The following PIK3C2G variants were observed in gnomAD, a reference collection of about 807,000 sequenced individuals.
PIK3C2G encodes phosphatidylinositol 3-kinase C2 domain-containing subunit gamma.
In PIK3C2G, 168 loss-of-function variants were observed where a neutral mutation model predicts 181.1. The ratio of observed to expected loss-of-function variants is 0.93; its 90% CI spans 0.82 to 1.05. PIK3C2G has a LOEUF of 1.05. Among genes scored for constraint, PIK3C2G ranks in the 50% least tolerant of loss-of-function variants. The pLI, the probability that PIK3C2G is intolerant of heterozygous loss-of-function variation, is 0.00. For missense variants in PIK3C2G, 1,869 were observed against 1,732.8 expected, an observed-to-expected ratio of 1.08 and a Z score of -1.40; for synonymous variants, 573 against 592.2, an observed-to-expected ratio of 0.97 and a Z score of 0.47.
intron 12 of PIK3C2G, among the ~76,000 whole-genome samples, chr12:18,367,729 T>C (rs186842463): frequency 1.3e-5 from 2 of 151,972 alleles, no homozygotes; most frequent in Non-Finnish European, 1.5e-5. Context: ...TGGCTAATTA[T>C]GTATTTTTAG....
intron 18 of PIK3C2G, among the ~76,000 whole-genome samples, chr12:18,432,391 G>C (rs1432322220): frequency 6.6e-6 from 1 of 152,038 alleles, no homozygotes; most frequent in Non-Finnish European, 1.5e-5. Flanking sequence ...AGGCCTTTGG[G>C]AACTGAGCTT....
intron 29 of PIK3C2G, among the ~76,000 whole-genome samples, chr12:18,590,573 A>T (rs780322315): frequency 2.6e-5 from 4 of 151,970 alleles, no homozygotes; most frequent in East Asian, 1.9e-4. Context: ...CCAGTGGAGA[A>T]CACCGGCATA....
At chr12:18,636,976 A>G (rs765208977) in intron 31 of PIK3C2G, among the ~76,000 whole-genome samples, 12 of 152,168 alleles carry the variant, frequency 7.9e-5, no homozygotes, top group Non-Finnish European at 1.6e-4. Context: ...CCAGAATTGA[A>G]GAAGTAACCA....
At chr12:18,695,422 G>A in the PIK3C2G span, among the ~76,000 whole-genome samples, 1 of 152,140 alleles carries the variant, frequency 6.6e-6, no homozygotes, top group Non-Finnish European at 1.5e-5. Context: ...GAATGCAAGA[G>A]GTAAAGACAT....
intron 16 of PIK3C2G, among the ~76,000 whole-genome samples, chr12:18,416,019 G>A (rs978236200): frequency 5.3e-5 from 8 of 152,168 alleles, no homozygotes; most frequent in African/African-American, 7.2e-5. Context: ...AGGCCGAGGC[G>A]GGTGGATCAT....
At chr12:18,245,319 TTGA>T (rs931004309), upstream of PIK3C2G, among the ~76,000 whole-genome samples, 1 of 152,200 alleles carries the variant, frequency 6.6e-6, no homozygotes, top group Non-Finnish European at 1.5e-5. Context: ...TTTACACATT[TTGA>T]TGTCAGTGTG....
At chr12:18,422,558 T>G (rs1323779806) in intron 17 of PIK3C2G, among the ~76,000 whole-genome samples, 1 of 152,058 alleles carries the variant, frequency 6.6e-6, no homozygotes, top group Non-Finnish European at 1.5e-5. Flanking sequence ...AAGAGTCAAA[T>G]AAGACCCAGA....
intron 18 of PIK3C2G, among the ~76,000 whole-genome samples, chr12:18,454,380 G>C (rs980954465): frequency 6.6e-6 from 1 of 152,084 alleles, no homozygotes; most frequent in African/African-American, 2.4e-5. Flanking sequence ...AGATATTTGA[G>C]GGAATCAGCC....
downstream of PIK3C2G, among the ~76,000 whole-genome samples, chr12:18,650,726 A>C (rs12824614): frequency 7.0e-3 from 151 of 21,492 alleles, 1 homozygote; most frequent in Middle Eastern, 0.023. Context: ...ATATATATAT[A>C]TATATATATA....
chr12:18,248,952 CT>C (rs534858971), intron 1 of PIK3C2G, among the ~76,000 whole-genome samples: 2 of 151,896 alleles, frequency 1.3e-5, no homozygotes, highest in African/African-American at 4.8e-5. Context: ...CTGTAAGGTG[CT>C]TTTTTTTGTT....
chr12:18,380,864 A>G (rs1407142443), intron 13 of PIK3C2G, among the ~76,000 whole-genome samples: 3 of 152,236 alleles, frequency 2.0e-5, no homozygotes, highest in African/African-American at 7.2e-5. Flanking sequence ...GATCTGTTAA[A>G]TGGCAAGATG....
At chr12:18,614,995 G>A (rs1365373777) in intron 31 of PIK3C2G, among the ~76,000 whole-genome samples, 1 of 151,626 alleles carries the variant, frequency 6.6e-6, no homozygotes, top group Non-Finnish European at 1.5e-5. Context: ...ATGCTTTTTA[G>A]GGAACAGGTG....
chr12:18,517,210 G>C (rs117745720), intron 24 of PIK3C2G, among the ~76,000 whole-genome samples: 3,140 of 151,894 alleles, frequency 0.021, 39 homozygotes, highest in Middle Eastern at 0.065. Flanking sequence ...TTCCATTCTG[G>C]GGAAGACTTA....
intron 18 of PIK3C2G, among the ~76,000 whole-genome samples, chr12:18,426,056 CAAGTCTTCAACATGATGACCTTGAATTTA>C (rs1945794226): frequency 1.3e-5 from 2 of 152,154 alleles, no homozygotes; most frequent in East Asian, 3.9e-4. Context: ...AATTTAATTT[CAAGTCTTCAACATGATGACCTTGAATTTA>C]AAGTCTTCAA....
intron 30 of PIK3C2G, among the ~76,000 whole-genome samples, chr12:18,600,300 A>T (rs546456248): frequency 6.3e-4 from 96 of 152,120 alleles, no homozygotes; most frequent in African/African-American, 2.2e-3. Flanking sequence ...TTAAAAAAAA[A>T]TCTTTTGAAG....
At chr12:18,653,425 C>CT in the PIK3C2G span, among the ~76,000 whole-genome samples, 1 of 152,168 alleles carries the variant, frequency 6.6e-6, no homozygotes, top group Non-Finnish European at 1.5e-5. Flanking sequence ...ATGCAATGGG[C>CT]TTCTTGGCCA....
rs568629839 is a variant in PIK3C2G, at chr12:18,266,738, T to C, written c.-79+5161T>C. On this transcript the variant is annotated intron_variant, in intron 1 of 32. Coordinates refer to ENST00000538779, the MANE Select transcript of PIK3C2G (RefSeq NM_001288772.2). The stretch of plus-strand genomic sequence containing the variant: ...CATAGTTCCATTATCTTAAGGCAGT[T>C]TGTCTTTACAAGTAAACTGTATGTC... Among the ~76,000 whole-genome samples, 245 of 152,212 alleles carry C rather than the reference T, an allele frequency of 1.6e-3. 2 individuals carry two copies. Among genetic ancestry groups the C allele is most frequent in the African/African-American group, 5.6e-3 (231 of 41,554 alleles).
chr12:18,433,470 G>A (rs1413731089), intron 18 of PIK3C2G, among the ~76,000 whole-genome samples: 2 of 152,106 alleles, frequency 1.3e-5, no homozygotes, highest in East Asian at 1.9e-4. Context: ...AGGTTACAGT[G>A]AGCCGAGATC....
chr12:18,723,475 G>T, the PIK3C2G span: 1 of 1,612,722 alleles, frequency 6.2e-7, no homozygotes, highest in Non-Finnish European at 8.5e-7. Flanking sequence ...TTCTCTGTGC[G>T]TGATAATTCG....
Sources: gnomAD v4.1 joint callset for allele counts (sites outside exome capture counted in the v4.1 genomes callset) on GRCh38, gnomAD v4.1.1 for gene constraint, MANE v1.5 for transcripts, NCBI Gene and HGNC (gene_info 2026-07-23, HGNC 2026-07-21) for gene names.